Variants in CTNNA2 observed in about 807,000 individuals in gnomAD.
CTNNA2 encodes the protein catenin alpha-2.
A neutral mutation model predicts 101.0 loss-of-function variants in CTNNA2; 42 were observed. The observed-to-expected ratio is 0.42, with a 90% CI of 0.32 to 0.54. The LOEUF (loss-of-function observed/expected upper bound fraction) is 0.54. CTNNA2 is among the 20% of genes least tolerant of loss of function. CTNNA2 has a pLI of 0.14. For missense variants in CTNNA2, 871 were observed against 1,223.1 expected, an observed-to-expected ratio of 0.71 and a Z score of 4.29; for synonymous variants, 450 against 456.4, an observed-to-expected ratio of 0.99 and a Z score of 0.18.
intron 3 of CTNNA2, among the ~76,000 whole-genome samples, chr2:79,749,915 C>A (rs1038746346): frequency 6.6e-6 from 1 of 152,010 alleles, no homozygotes; most frequent in Non-Finnish European, 1.5e-5. Flanking sequence ...TGTGTACTAC[C>A]TTTTGATTAG....
chr2:79,822,811 A>G (rs964354856), intron 3 of CTNNA2, among the ~76,000 whole-genome samples: 1 of 152,144 alleles, frequency 6.6e-6, no homozygotes, highest in African/African-American at 2.4e-5. Flanking sequence ...ATCTCTCTGT[A>G]CGCTTAAAGA....
rs138821666 is a variant in CTNNA2 at position 79,822,644 on chromosome 2, C to T, written c.299-35369C>T. Among the ~76,000 whole-genome samples, 344 of 152,246 alleles carry T rather than the reference C, an allele frequency of 2.3e-3. 1 individual carries two copies. Among genetic ancestry groups the T allele is most frequent in the South Asian group, 3.5e-3 (17 of 4,818 alleles). ...TTTTCTACCCTCAGCACCTCCAATT[C>T]CAAATCCCTATTGCTCTCTTGACCA... On this transcript the variant is annotated intron_variant, in intron 3 of 18. Transcript: ENST00000402739.
chr2:79,217,472 G>C (rs1369389752), intron 2 of CTNNA2, among the ~76,000 whole-genome samples: 1 of 152,064 alleles, frequency 6.6e-6, no homozygotes. Context: ...GAAAATTACA[G>C]TCAAAGGGGG....
chr2:79,958,924 AG>A (rs1338196029), intron 7 of CTNNA2, among the ~76,000 whole-genome samples: 5 of 152,176 alleles, frequency 3.3e-5, no homozygotes, highest in Non-Finnish European at 5.9e-5. Context: ...TTACTTATGT[AG>A]GTCTTGGCCA....
At chr2:79,659,571 T>G (rs1681869704) in intron 2 of CTNNA2, among the ~76,000 whole-genome samples, 1 of 152,222 alleles carries the variant, frequency 6.6e-6, no homozygotes, top group Non-Finnish European at 1.5e-5. Context: ...TCATGTATAG[T>G]GTGATTAACC....
chr2:80,614,466 C>CT (rs1380770921), intron 17 of CTNNA2, among the ~76,000 whole-genome samples: 1 of 151,254 alleles, frequency 6.6e-6, no homozygotes, highest in East Asian at 2.0e-4. Flanking sequence ...ATATCAGAGA[C>CT]TTGAGCATCC....
At chr2:80,597,298 C>T (rs1697068212) in intron 15 of CTNNA2, among the ~76,000 whole-genome samples, 2 of 152,232 alleles carry the variant, frequency 1.3e-5, no homozygotes, top group South Asian at 2.1e-4. Flanking sequence ...ACACCTTATA[C>T]AAAAATTAAC....
chr2:79,470,086 A>C (rs890334113), intron 4 of CTNNA2, among the ~76,000 whole-genome samples: 1 of 152,250 alleles, frequency 6.6e-6, no homozygotes, highest in Non-Finnish European at 1.5e-5. Flanking sequence ...GAGGAAGTCA[A>C]ATTGTCCCTG....
At chr2:79,777,114 C>T (rs1674022052) in intron 3 of CTNNA2, 1 of 152,110 alleles carries the variant, frequency 6.6e-6, no homozygotes. Flanking sequence ...ATTCAAGCCA[C>T]ACACAAACCA....
chr2:79,559,420 C>T (rs1243301459), intron 1 of CTNNA2, among the ~76,000 whole-genome samples: 1 of 151,882 alleles, frequency 6.6e-6, no homozygotes, highest in African/African-American at 2.4e-5. Context: ...CTGAGAACCA[C>T]TGATGAAAGT....
intron 6 of CTNNA2, among the ~76,000 whole-genome samples, chr2:79,877,534 TG>T (rs1683118433): frequency 6.6e-6 from 1 of 152,180 alleles, no homozygotes; most frequent in Non-Finnish European, 1.5e-5. Flanking sequence ...TGATGAATAC[TG>T]TTTTTTTAAA....
chr2:79,236,094 G>A (rs1674554180), intron 2 of CTNNA2, among the ~76,000 whole-genome samples: 1 of 152,140 alleles, frequency 6.6e-6, no homozygotes, highest in African/African-American at 2.4e-5. Flanking sequence ...ATGGATTCAG[G>A]CAGAAACAGA....
At chr2:80,192,189 G>A (rs1282013729) in intron 7 of CTNNA2, among the ~76,000 whole-genome samples, 1 of 152,148 alleles carries the variant, frequency 6.6e-6, no homozygotes, top group African/African-American at 2.4e-5. Flanking sequence ...CACTGATAAG[G>A]AAAATTATTT....
chr2:79,870,051 A>AACCT, intron 5 of CTNNA2, 116 bp downstream of exon 5: 1 of 1,341,736 alleles, frequency 7.5e-7, no homozygotes, highest in Non-Finnish European at 1.0e-6. Flanking sequence ...ATGCCCTAAG[A>AACCT]ACCTGTGATG....
intron 7 of CTNNA2, among the ~76,000 whole-genome samples, chr2:79,917,080 T>TTA (rs551494358): frequency 0.22 from 22,974 of 102,848 alleles, 2,266 homozygotes; most frequent in East Asian, 0.49. Flanking sequence ...TATTTATTTA[T>TTA]TTATTTTTTT....
intron 7 of CTNNA2, among the ~76,000 whole-genome samples, chr2:80,163,465 A>C (rs953729067): frequency 6.6e-6 from 1 of 152,110 alleles, no homozygotes; most frequent in African/African-American, 2.4e-5. Flanking sequence ...TGGTCAGAGA[A>C]CACATTTTGT....
In CTNNA2 at chr2:79,824,708, C is replaced by A. The variant is rs181601645; in HGVS notation, c.299-33305C>A. Among the ~76,000 whole-genome samples, 334 of 152,236 alleles carry A rather than the reference C, an allele frequency of 2.2e-3. 2 individuals are homozygous for A. Among genetic ancestry groups the A allele is most frequent in the South Asian group, 8.9e-3 (43 of 4,818 alleles). On this transcript the variant is annotated intron_variant, in intron 3 of 18. Transcript: ENST00000402739. Reference sequence around the variant, plus strand: ...AGTGAGATCGAACCCAAAGATCCTACATTGTATAGCTGCCATGGATGCCTA... The same window carrying A: ...AGTGAGATCGAACCCAAAGATCCTAAATTGTATAGCTGCCATGGATGCCTA...
At chr2:79,861,925 A>C (rs1681652174) in intron 4 of CTNNA2, among the ~76,000 whole-genome samples, 1 of 152,224 alleles carries the variant, frequency 6.6e-6, no homozygotes, top group African/African-American at 2.4e-5. Flanking sequence ...TCCTAGCCAG[A>C]TACCTGGAAT....
intron 17 of CTNNA2, among the ~76,000 whole-genome samples, chr2:80,615,865 A>C (rs1340081789): frequency 6.6e-6 from 1 of 151,680 alleles, no homozygotes; most frequent in Non-Finnish European, 1.5e-5. Context: ...TTCTTTGTTC[A>C]GATTTCTTTT....
Sources: gnomAD v4.1 joint callset for allele counts (sites outside exome capture counted in the v4.1 genomes callset) on GRCh38, gnomAD v4.1.1 for gene constraint, MANE v1.5 for transcripts, NCBI Gene and HGNC (gene_info 2026-07-23, HGNC 2026-07-21) for gene names.